The following LEF1 variants were observed in gnomAD, a reference collection of about 807,000 sequenced individuals.
The protein encoded by LEF1 is lymphoid enhancer binding factor 1, also known as lymphoid enhancer-binding factor 1.
Under a neutral mutation model 51.2 loss-of-function variants are expected in LEF1, and 14 were observed. The ratio of observed to expected loss-of-function variants is 0.27; its 90% CI spans 0.18 to 0.43. The LOEUF is 0.43. LEF1 is among the 20% of genes least tolerant of loss of function. The pLI, the probability that LEF1 is intolerant of heterozygous loss-of-function variation, is 1.00. For synonymous variants in LEF1, 185 were observed against 183.2 expected, an observed-to-expected ratio of 1.01 and a Z score of -0.08; for missense variants, 386 against 512.0, an observed-to-expected ratio of 0.75 and a Z score of 2.37.
intron 3 of LEF1, among the ~76,000 whole-genome samples, chr4:108,128,004 G>A (rs1742652308): frequency 6.6e-6 from 1 of 152,092 alleles, no homozygotes; most frequent in South Asian, 2.1e-4. Context: ...TTGCTTATGT[G>A]TTATATTTAT....
chr4:108,153,997 GAA>G (rs1471811170), intron 3 of LEF1, among the ~76,000 whole-genome samples: 26 of 152,252 alleles, frequency 1.7e-4, no homozygotes, highest in Non-Finnish European at 8.8e-5. Context: ...AGGCCACACA[GAA>G]AAAGTGATCG....
intron 11 of LEF1, among the ~76,000 whole-genome samples, chr4:108,057,891 C>G (rs1233185068): frequency 1.3e-5 from 2 of 149,732 alleles, no homozygotes; most frequent in East Asian, 1.9e-4. Context: ...TTTTTTTCCC[C>G]GAGACGGAGT....
intron 3 of LEF1, among the ~76,000 whole-genome samples, chr4:108,157,177 T>TACACACAC (rs1326345518): frequency 0.04 from 3,536 of 88,972 alleles, 51 homozygotes; most frequent in East Asian, 0.08. Context: ...TCTATATATA[T>TACACACAC]ATACACACAC....
chr4:108,164,865 G>A (rs34200775), intron 2 of LEF1, among the ~76,000 whole-genome samples: 35 of 152,146 alleles, frequency 2.3e-4, no homozygotes, highest in Non-Finnish European at 4.0e-4. Context: ...CAAAGAATCT[G>A]GAACCCACCT....
chr4:108,113,340 G>A (rs1741641310), intron 3 of LEF1, among the ~76,000 whole-genome samples: 1 of 152,190 alleles, frequency 6.6e-6, no homozygotes, highest in Non-Finnish European at 1.5e-5. Context: ...CTGAGTTTGG[G>A]TGGGGGAAGT....
intron 7 of LEF1, 57 bp downstream of exon 7, chr4:108,079,435 G>A (rs1479971055): frequency 5.0e-6 from 8 of 1,591,002 alleles, no homozygotes; most frequent in Non-Finnish European, 6.9e-6. Context: ...AGGAGCAACA[G>A]TGTAGAAATC....
At chr4:108,162,761 A>G (rs899117549) in intron 3 of LEF1, among the ~76,000 whole-genome samples, 5 of 152,114 alleles carry the variant, frequency 3.3e-5, no homozygotes, top group African/African-American at 4.8e-5. Flanking sequence ...TCCGTCACCA[A>G]CGCTGGTGGG....
At chr4:108,157,791 G>A (rs1397919975) in intron 3 of LEF1, among the ~76,000 whole-genome samples, 4 of 152,228 alleles carry the variant, frequency 2.6e-5, no homozygotes, top group African/African-American at 9.6e-5. Context: ...CCATCGCTCA[G>A]TGAGCTTTGT....
chr4:108,056,504 T>C (rs908963727), intron 11 of LEF1, among the ~76,000 whole-genome samples: 1 of 152,236 alleles, frequency 6.6e-6, no homozygotes, highest in Admixed American at 6.5e-5. Context: ...GGCCAGGATG[T>C]GAAAAACTGC....
Position 108,078,359 on chromosome 4 carries a change from T to C in LEF1, c.869A>G (p.Lys290Arg), listed in dbSNP as rs1347141613. 1.5e-5 allele frequency: 25 copies of C among 1,614,058 alleles called. No homozygotes were observed. The highest frequency in any genetic ancestry group is 2.0e-5 in the Non-Finnish European group (24 of 1,180,030). The change falls in exon 8 of 12, where the codon AAG becomes AGG. Residue 290 changes from lysine to arginine, a missense_variant. Lys to Arg is a conservative substitution (Grantham distance 26). Around this residue, in one of 2 missense-constraint regions of LEF1, gnomAD observed 335 missense variants for 390.7 expected, o/e 0.86. Transcript: ENST00000265165. ...GTGAGGTCTTTTTGGCTCCTGCTCC[T>C]TTCTCTGTTCATGCTGAGGCTTCCT... ...MHVKPQHEQR[K>R]EQEPKRPHIK... is the part of the protein sequence containing the mutation.
At chr4:108,141,817 C>T (rs1743677948) in intron 3 of LEF1, among the ~76,000 whole-genome samples, 2 of 151,760 alleles carry the variant, frequency 1.3e-5, no homozygotes, top group East Asian at 1.9e-4. Context: ...TTTAAAGTAA[C>T]AAAAGCCGAA....
chr4:108,090,245 T>C (rs1255609286), intron 3 of LEF1, among the ~76,000 whole-genome samples: 1 of 152,232 alleles, frequency 6.6e-6, no homozygotes, highest in Non-Finnish European at 1.5e-5. Context: ...CCCAAAGTGC[T>C]GGGATTATAG....
chr4:108,166,723 C>A (rs1578417510), intron 1 of LEF1: 2 of 990,386 alleles, frequency 2.0e-6, no homozygotes, highest in East Asian at 2.2e-4. Context: ...AGGACTAGTG[C>A]CCGGCTTCCG....
chr4:108,081,716 A>G lies in LEF1; in HGVS notation c.639-47T>C, dbSNP rs189303611. On this transcript the variant is annotated intron_variant, in intron 5 of 11. Coordinates refer to ENST00000265165, the MANE Select transcript of LEF1 (RefSeq NM_016269.5). ...ACCCATCAATGACAAAACACCAGTT[A>G]CCAACCAGTAGTAAGAGTTGGATGA... The G allele has an allele frequency of 2.5e-5, 35 of 1,372,758 alleles. No homozygotes were observed. In the Admixed American group the frequency reaches 5.3e-4, roughly 21 times the overall value. 85.0% of individuals were successfully genotyped at this position (1,372,758 alleles called of 1,614,324 possible).
At chr4:108,153,270 G>A (rs982717623) in intron 3 of LEF1, among the ~76,000 whole-genome samples, 3 of 152,204 alleles carry the variant, frequency 2.0e-5, no homozygotes, top group Non-Finnish European at 4.4e-5. Context: ...TACAGGATGT[G>A]AGCACCCTGC....
At chr4:108,163,722 A>G in intron 2 of LEF1, 21 bp from the exon 3 acceptor site, 1 of 1,611,218 alleles carries the variant, frequency 6.2e-7, no homozygotes, top group Non-Finnish European at 8.5e-7. Flanking sequence ...CCAAAGAACA[A>G]TCAATGATGC....
intron 3 of LEF1, among the ~76,000 whole-genome samples, chr4:108,127,082 T>C (rs1462179798): frequency 6.6e-6 from 1 of 152,154 alleles, no homozygotes; most frequent in Non-Finnish European, 1.5e-5. Context: ...AGAATGCTTC[T>C]CAGGAGACAT....
chr4:108,048,818 A>G (rs550415537), intron 11 of LEF1, 67 bp from the exon 12 acceptor site: 44 of 1,065,968 alleles, frequency 4.1e-5, no homozygotes, highest in Non-Finnish European at 6.0e-5. Context: ...TATAACCTCT[A>G]TTCCATACCA....
chr4:108,133,266 C>A (rs1743023931), intron 3 of LEF1, among the ~76,000 whole-genome samples: 1 of 152,210 alleles, frequency 6.6e-6, no homozygotes, highest in Non-Finnish European at 1.5e-5. Flanking sequence ...TGTGGCTGAT[C>A]TGGAGACCAC....
Sources: allele counts gnomAD v4.1 joint callset (sites outside exome capture counted in the v4.1 genomes callset), GRCh38; gene constraint gnomAD v4.1.1; regional missense constraint gnomAD v4.1.1; transcripts MANE v1.5; gene names NCBI Gene and HGNC (gene_info 2026-07-23, HGNC 2026-07-21).